TANC1: variants seen among roughly 807,000 people sequenced by gnomAD.
The protein encoded by TANC1 is protein TANC1.
A neutral mutation model predicts 149.7 loss-of-function variants in TANC1; 77 were observed. The ratio of observed to expected loss-of-function variants is 0.51; its 90% CI spans 0.43 to 0.62. TANC1 has a LOEUF of 0.62. Among genes scored for constraint, TANC1 ranks in the 20% least tolerant of loss-of-function variants. The probability of loss-of-function intolerance (pLI) is 0.00; values close to 1 mark genes in which losing one functional copy is unlikely to be tolerated. For missense variants in TANC1, 1,985 were observed against 2,321.8 expected, an observed-to-expected ratio of 0.85 and a Z score of 2.98; for synonymous variants, 854 against 925.0, an observed-to-expected ratio of 0.92 and a Z score of 1.39.
At chr2:159,008,017 TAAA>T (rs2037390455) in intron 2 of TANC1, among the ~76,000 whole-genome samples, 1 of 152,252 alleles carries the variant, frequency 6.6e-6, no homozygotes, top group Admixed American at 6.5e-5. Context: ...TTTCTGGACC[TAAA>T]ATATCACTTG....
chr2:158,990,353 A>G (rs535978845), intron 1 of TANC1, among the ~76,000 whole-genome samples: 1 of 152,334 alleles, frequency 6.6e-6, no homozygotes, highest in African/African-American at 2.4e-5. Context: ...CAGGAACTAA[A>G]TTGTATCAAA....
chr2:159,010,654 C>T (rs1204171243), intron 2 of TANC1, among the ~76,000 whole-genome samples: 1 of 135,672 alleles, frequency 7.4e-6, no homozygotes, highest in Non-Finnish European at 1.5e-5. Flanking sequence ...CTGCCAAATC[C>T]TATTTCAAGG....
chr2:159,164,793 T>C (rs559369347), intron 8 of TANC1, among the ~76,000 whole-genome samples: 1 of 152,302 alleles, frequency 6.6e-6, no homozygotes, highest in East Asian at 1.9e-4. Context: ...GATAAATAAG[T>C]GGCCCTAATG....
chr2:159,181,805 A>G (rs1252088425), intron 14 of TANC1, among the ~76,000 whole-genome samples: 1 of 152,156 alleles, frequency 6.6e-6, no homozygotes, highest in Non-Finnish European at 1.5e-5. Flanking sequence ...ATTAAATCAG[A>G]TCTTAAGACG....
intron 8 of TANC1, among the ~76,000 whole-genome samples, chr2:159,165,261 G>A (rs1017085992): frequency 6.6e-6 from 1 of 152,148 alleles, no homozygotes; most frequent in Non-Finnish European, 1.5e-5. Context: ...GGAGGCTGCC[G>A]TGATTATAGA....
chr2:159,123,936 C>T (rs1261961901), intron 4 of TANC1, among the ~76,000 whole-genome samples: 2 of 152,156 alleles, frequency 1.3e-5, no homozygotes, highest in African/African-American at 2.4e-5. Flanking sequence ...TCCTCCCTCC[C>T]GCTGCTGTTT....
chr2:159,156,959 G>A (rs116256982), intron 7 of TANC1, among the ~76,000 whole-genome samples: 1 of 152,306 alleles, frequency 6.6e-6, no homozygotes, highest in African/African-American at 2.4e-5. Context: ...TGTGCGGCTC[G>A]GGCCCCTGGC....
chr2:159,151,785 A>T, intron 7 of TANC1, among the ~76,000 whole-genome samples: 1 of 152,162 alleles, frequency 6.6e-6, no homozygotes, highest in East Asian at 1.9e-4. Context: ...CATAATTTTC[A>T]ATTGAATCAG....
Position 159,198,973 on chromosome 2 carries a change from A to G in TANC1, c.3166-2A>G. On this transcript the variant is annotated splice_acceptor_variant, in intron 18 of 26. Coordinates refer to ENST00000263635, the MANE Select transcript of TANC1 (RefSeq NM_033394.3). LOFTEE classifies it high-confidence loss of function. ...ATTAAATCACCTTGCCACTTCTGAC[A>G]GGTGGTCCAGTGCTTGCTGGGGATG... 6.2e-7 allele frequency: 1 copy of G among 1,613,252 alleles called. No individual in the cohort carries two copies. The highest frequency in any genetic ancestry group is 8.5e-7 in the Non-Finnish European group (1 of 1,179,274).
At chr2:159,199,578 G>A (rs1473087530) in intron 19 of TANC1, among the ~76,000 whole-genome samples, 1 of 152,220 alleles carries the variant, frequency 6.6e-6, no homozygotes, top group Non-Finnish European at 1.5e-5. Context: ...TCTTTACAGT[G>A]AGAAGCCTGG....
intron 2 of TANC1, among the ~76,000 whole-genome samples, chr2:159,052,185 T>A (rs902020294): frequency 6.6e-6 from 1 of 152,188 alleles, no homozygotes; most frequent in African/African-American, 2.4e-5. Flanking sequence ...ACAGCGTGTA[T>A]TAAAAACACC....
intron 19 of TANC1, among the ~76,000 whole-genome samples, 179 bp downstream of exon 19, chr2:159,199,232 G>T (rs184878379): frequency 6.6e-6 from 1 of 152,222 alleles, no homozygotes; most frequent in African/African-American, 2.4e-5. Context: ...TGCTGGAAGC[G>T]TAAGATTTTA....
chr2:158,970,466 CAT>C (rs1482678072), intron 1 of TANC1, among the ~76,000 whole-genome samples: 11 of 152,102 alleles, frequency 7.2e-5, no homozygotes, highest in Non-Finnish European at 1.5e-4. Flanking sequence ...GAGACTACTT[CAT>C]TATAGAAGTA....
chr2:159,082,917 G>A (rs2149800164), intron 3 of TANC1, among the ~76,000 whole-genome samples: 1 of 152,082 alleles, frequency 6.6e-6, no homozygotes, highest in South Asian at 2.1e-4. Flanking sequence ...TTTAGTGTTG[G>A]GGTCCAAGCA....
chr2:159,025,189 T>TTTTCTTTCTTTTTCTTTC (rs2039188038), intron 2 of TANC1, among the ~76,000 whole-genome samples: 25 of 105,222 alleles, frequency 2.4e-4, no homozygotes, highest in Admixed American at 6.6e-4. Flanking sequence ...TTTTTCTTTC[T>TTTTCTTTCTTTTTCTTTC]TTTCTTTCTT....
At chr2:159,211,583 G>A (rs140594750) in intron 19 of TANC1, among the ~76,000 whole-genome samples, 89 of 152,292 alleles carry the variant, frequency 5.8e-4, no homozygotes, top group Non-Finnish European at 1.1e-3. Flanking sequence ...GCATAATTTA[G>A]CCATGGTTCT....
chr2:159,177,884 G>A (rs1381558352), intron 13 of TANC1, among the ~76,000 whole-genome samples: 1 of 152,142 alleles, frequency 6.6e-6, no homozygotes, highest in East Asian at 1.9e-4. Flanking sequence ...TGGTTACATA[G>A]GTATATTTGA....
chr2:159,149,844 T>A (rs937145774), intron 6 of TANC1: 1 of 169,158 alleles, frequency 5.9e-6, no homozygotes, highest in African/African-American at 2.4e-5. Flanking sequence ...CTGGTGAAGG[T>A]CTCTGCACTG....
chr2:159,143,093 A>C (rs1379801561), intron 5 of TANC1, among the ~76,000 whole-genome samples: 2 of 146,568 alleles, frequency 1.4e-5, no homozygotes, highest in Non-Finnish European at 3.0e-5. Context: ...AAAACAAAAC[A>C]AAAAAAAACA....
Sources: allele counts gnomAD v4.1 joint callset (sites outside exome capture counted in the v4.1 genomes callset), GRCh38; gene constraint gnomAD v4.1.1; transcripts MANE v1.5; gene names NCBI Gene and HGNC (gene_info 2026-07-23, HGNC 2026-07-21).